Variants in XYLT1 observed in about 807,000 individuals in gnomAD.
XYLT1 encodes the protein beta-D-xylosyltransferase 1.
XYLT1 carries 36 observed loss-of-function variants against 91.3 expected under a neutral mutation model. The observed-to-expected ratio is 0.39, with a 90% CI of 0.30 to 0.52. The LOEUF (loss-of-function observed/expected upper bound fraction) is 0.52. Ranked by LOEUF, XYLT1 falls within the 20% of genes least tolerant of loss-of-function variation. The pLI, the probability that XYLT1 is intolerant of heterozygous loss-of-function variation, is 0.68. For synonymous variants in XYLT1, 588 were observed against 532.0 expected (o/e 1.11, Z -1.45); for missense variants, 1,242 against 1,284.5 (o/e 0.97, Z 0.51).
intron 2 of XYLT1, among the ~76,000 whole-genome samples, chr16:17,304,195 A>G (rs2034439717): frequency 6.6e-6 from 1 of 152,152 alleles, no homozygotes. Flanking sequence ...AGAGGAACAG[A>G]GGAGAGCAGC....
intron 2 of XYLT1, among the ~76,000 whole-genome samples, chr16:17,274,274 T>C (rs1424806935): frequency 6.6e-6 from 1 of 152,212 alleles, no homozygotes; most frequent in Non-Finnish European, 1.5e-5. Flanking sequence ...TAGCAGTCTA[T>C]TGATCTTTTT....
At chr16:17,447,328 C>T (rs4781979) in intron 1 of XYLT1, among the ~76,000 whole-genome samples, 2 of 152,124 alleles carry the variant, frequency 1.3e-5, no homozygotes, top group African/African-American at 4.8e-5. Context: ...TCCCAGCCCA[C>T]GTGATACATT....
intron 5 of XYLT1, among the ~76,000 whole-genome samples, chr16:17,172,458 G>A (rs542370745): frequency 2.4e-4 from 34 of 140,542 alleles, no homozygotes; most frequent in African/African-American, 8.0e-4. Flanking sequence ...CAAAGACTGC[G>A]TTCATTTCTT....
At chr16:17,172,661 TG>T (rs1475779889) in intron 5 of XYLT1, among the ~76,000 whole-genome samples, 5 of 151,982 alleles carry the variant, frequency 3.3e-5, no homozygotes, top group Non-Finnish European at 7.4e-5. Context: ...TTAATAGAGA[TG>T]GGGTTTTGCC....
chr16:17,349,950 T>C (rs1455273296), intron 2 of XYLT1, among the ~76,000 whole-genome samples: 2 of 152,012 alleles, frequency 1.3e-5, no homozygotes, highest in East Asian at 3.9e-4. Flanking sequence ...CTCAGCTCAC[T>C]GCAAGCTCCG....
chr16:17,348,990 T>C (rs2035183388), intron 2 of XYLT1, among the ~76,000 whole-genome samples: 1 of 152,250 alleles, frequency 6.6e-6, no homozygotes, highest in African/African-American at 2.4e-5. Context: ...ACTGCCTTGT[T>C]GCTCAGTGGC....
chr16:17,374,438 T>C (rs2035571231), intron 1 of XYLT1, among the ~76,000 whole-genome samples: 1 of 152,180 alleles, frequency 6.6e-6, no homozygotes, highest in African/African-American at 2.4e-5. Flanking sequence ...GATTATAATA[T>C]TTGGCTTTTA....
chr16:17,440,346 C>T (rs772945233), intron 1 of XYLT1, among the ~76,000 whole-genome samples: 33 of 152,210 alleles, frequency 2.2e-4, no homozygotes, highest in Non-Finnish European at 3.2e-4. Flanking sequence ...AACCAGAGCA[C>T]GCTGCTTGCT....
intron 9 of XYLT1, among the ~76,000 whole-genome samples, chr16:17,129,070 T>G (rs1159882836): frequency 5.2e-5 from 1 of 19,208 alleles, no homozygotes; most frequent in African/African-American, 1.6e-4. Flanking sequence ...CCAGGGAGCA[T>G]AGAAAAAAAA....
intron 2 of XYLT1, among the ~76,000 whole-genome samples, chr16:17,269,331 C>T (rs2033852834): frequency 6.6e-6 from 1 of 151,694 alleles, no homozygotes; most frequent in South Asian, 2.1e-4. Flanking sequence ...ACTACACAGG[C>T]TTTCACCACT....
At chr16:17,285,890 G>C (rs1226622586) in intron 2 of XYLT1, among the ~76,000 whole-genome samples, 5 of 79,008 alleles carry the variant, frequency 6.3e-5, no homozygotes, top group Non-Finnish European at 1.4e-4. Flanking sequence ...GTGTGTGTGT[G>C]TGTGTGTGTG....
chr16:17,304,981 A>C (rs1215206816), intron 2 of XYLT1, among the ~76,000 whole-genome samples: 1 of 152,182 alleles, frequency 6.6e-6, no homozygotes, highest in African/African-American at 2.4e-5. Flanking sequence ...TCCAGATGGC[A>C]CAGGAATGAT....
At chr16:17,337,744 T>C (rs2035002187) in intron 2 of XYLT1, among the ~76,000 whole-genome samples, 1 of 151,516 alleles carries the variant, frequency 6.6e-6, no homozygotes, top group South Asian at 2.1e-4. Flanking sequence ...TATTTTTTCC[T>C]GAGTCCTACT....
At chr16:17,360,179 G>A (rs1168821869) in intron 1 of XYLT1, among the ~76,000 whole-genome samples, 1 of 152,186 alleles carries the variant, frequency 6.6e-6, no homozygotes, top group East Asian at 1.9e-4. Context: ...GGTGTTGGGT[G>A]CATGCCCAGA....
chr16:17,436,866 G>A (rs552635631), intron 1 of XYLT1, among the ~76,000 whole-genome samples: 9 of 152,332 alleles, frequency 5.9e-5, no homozygotes, highest in East Asian at 5.8e-4. Context: ...TTACACAGGC[G>A]TGAGAGAAGT....
intron 1 of XYLT1, among the ~76,000 whole-genome samples, chr16:17,371,478 G>A (rs2035531127): frequency 6.6e-6 from 1 of 152,198 alleles, no homozygotes; most frequent in Admixed American, 6.5e-5. Flanking sequence ...AGAGTTTGGG[G>A]TATAAATGAC....
At chr16:17,378,554 T>G (rs2035631601) in intron 1 of XYLT1, among the ~76,000 whole-genome samples, 1 of 152,212 alleles carries the variant, frequency 6.6e-6, no homozygotes, top group Non-Finnish European at 1.5e-5. Flanking sequence ...ATTGAGGTAA[T>G]TTCTAGGAAT....
intron 9 of XYLT1, among the ~76,000 whole-genome samples, chr16:17,132,200 C>T (rs562587428): frequency 4.0e-4 from 61 of 152,214 alleles, no homozygotes; most frequent in Non-Finnish European, 7.8e-4. Context: ...AGGGATTCTG[C>T]TTCCAGACTA....
intron 2 of XYLT1, among the ~76,000 whole-genome samples, chr16:17,277,012 T>C (rs993640471): frequency 6.6e-6 from 1 of 152,178 alleles, no homozygotes; most frequent in African/African-American, 2.4e-5. Flanking sequence ...CATACATTCA[T>C]TCACAGATAT....
Sources: allele counts gnomAD v4.1 joint callset (sites outside exome capture counted in the v4.1 genomes callset), GRCh38; gene constraint gnomAD v4.1.1; transcripts MANE v1.5; gene names NCBI Gene and HGNC (gene_info 2026-07-23, HGNC 2026-07-21).